STPG4: variants seen among roughly 807,000 people sequenced by gnomAD.
STPG4 encodes protein STPG4.
STPG4 carries 41 observed loss-of-function variants against 31.5 expected under a neutral mutation model. The observed-to-expected ratio is 1.30, with a 90% CI of 1.01 to 1.69. The LOEUF is 1.69. Ranked by LOEUF, STPG4 falls within the 40% of genes most tolerant of loss-of-function variation. The pLI, the probability that STPG4 is intolerant of heterozygous loss-of-function variation, is 0.00. For synonymous variants in STPG4, 141 were observed against 103.0 expected (o/e 1.37, Z -2.24); for missense variants, 375 against 293.4 (o/e 1.28, Z -2.03).
At chr2:47,115,540 G>T (rs1461280734) in intron 5 of STPG4, among the ~76,000 whole-genome samples, 3 of 152,000 alleles carry the variant, frequency 2.0e-5, no homozygotes, top group Admixed American at 6.6e-5. Flanking sequence ...ATCTTTCTGA[G>T]GATGCTAATT....
chr2:47,124,705 T>C (rs1262955447), intron 5 of STPG4, among the ~76,000 whole-genome samples: 1 of 152,254 alleles, frequency 6.6e-6, no homozygotes, highest in Admixed American at 6.5e-5. Flanking sequence ...TTCCAAATCT[T>C]GGTTATTGTG....
At chr2:47,130,335 C>T in intron 3 of STPG4, 75 bp from the exon 4 acceptor site, 1 of 1,195,812 alleles carries the variant, frequency 8.4e-7, no homozygotes, top group Non-Finnish European at 1.2e-6. Context: ...CATTCGTAAT[C>T]TTTTATTTTA....
At chr2:47,100,971 C>G (rs1178034787) in intron 5 of STPG4, among the ~76,000 whole-genome samples, 1 of 151,904 alleles carries the variant, frequency 6.6e-6, no homozygotes, top group Non-Finnish European at 1.5e-5. Context: ...CCCACCAATT[C>G]TGGACACATT....
intron 5 of STPG4, among the ~76,000 whole-genome samples, chr2:47,098,637 A>T (rs1406689815): frequency 1.3e-5 from 2 of 152,180 alleles, no homozygotes; most frequent in African/African-American, 4.8e-5. Context: ...ATGACCCCAA[A>T]TATCTATATA....
At chr2:47,135,139 ACTTGT>A (rs1487471435) in intron 3 of STPG4, among the ~76,000 whole-genome samples, 1 of 152,066 alleles carries the variant, frequency 6.6e-6, no homozygotes, top group Non-Finnish European at 1.5e-5. Context: ...TCAGTTAGTC[ACTTGT>A]CTTTTCATTC....
chr2:47,101,284 A>G (rs1324660388), intron 5 of STPG4, among the ~76,000 whole-genome samples: 4 of 151,728 alleles, frequency 2.6e-5, no homozygotes, highest in Admixed American at 2.6e-4. Flanking sequence ...GTTTGCCTAG[A>G]ACCAGCTTCT....
chr2:47,151,317 T>C lies in STPG4; in HGVS notation c.340A>G (p.Thr114Ala). The C allele has an allele frequency of 6.2e-7, 1 of 1,614,212 alleles. No homozygotes were observed. The highest frequency in any genetic ancestry group is 8.5e-7 in the Non-Finnish European group (1 of 1,180,032). ...FLDLLKKQVA[T>A]YSFKDKPRPS... Reference sequence around the variant, plus strand: ...CGTGGTTTGTCTTTGAATGAGTAAGTAGCCACTTGCTTCTTTAACAGGTCC... The same window carrying C: ...CGTGGTTTGTCTTTGAATGAGTAAGCAGCCACTTGCTTCTTTAACAGGTCC... The change falls in exon 3 of 7, where the codon ACT (threonine) becomes GCT (alanine). Residue 114 changes from threonine to alanine, a missense_variant. Thr to Ala is a moderately conservative substitution (Grantham distance 58). Transcript: ENST00000445927.
chr2:47,140,810 G>T (rs1003557268), intron 3 of STPG4, among the ~76,000 whole-genome samples: 4 of 152,070 alleles, frequency 2.6e-5, no homozygotes, highest in Admixed American at 6.6e-5. Flanking sequence ...TTTCTAATAG[G>T]ATTTCTACAC....
chr2:47,111,931 A>G (rs72808571), intron 5 of STPG4, among the ~76,000 whole-genome samples: 13,811 of 152,274 alleles, frequency 0.091, 847 homozygotes, highest in Non-Finnish European at 0.12. Context: ...GGGGGACAAA[A>G]TATAATTCAC....
chr2:47,098,757 G>GAAAA (rs5830939), intron 5 of STPG4, among the ~76,000 whole-genome samples: 1 of 139,838 alleles, frequency 7.2e-6, no homozygotes, highest in Admixed American at 7.1e-5. Flanking sequence ...CTCAAAAGAG[G>GAAAA]AAAAAAAAAA....
intron 5 of STPG4, among the ~76,000 whole-genome samples, chr2:47,108,959 T>C (rs1210548959): frequency 6.6e-6 from 1 of 152,232 alleles, no homozygotes; most frequent in Non-Finnish European, 1.5e-5. Context: ...AGGAGAGAGA[T>C]GAAGATAAAA....
intron 5 of STPG4, among the ~76,000 whole-genome samples, chr2:47,117,952 G>C (rs1227191706): frequency 1.3e-5 from 2 of 150,602 alleles, no homozygotes; most frequent in Non-Finnish European, 2.9e-5. Context: ...ATAGAGATGA[G>C]GTCTTGCTCT....
chr2:47,148,173 C>T (rs1341297852), intron 3 of STPG4, among the ~76,000 whole-genome samples: 1 of 152,100 alleles, frequency 6.6e-6, no homozygotes, highest in African/African-American at 2.4e-5. Flanking sequence ...TCTCGAACTC[C>T]TGGCCTCAAG....
chr2:47,101,141 A>G (rs1685791384), intron 5 of STPG4, among the ~76,000 whole-genome samples: 8 of 151,792 alleles, frequency 5.3e-5, no homozygotes. Flanking sequence ...CTTAGAATTC[A>G]GGGGCTAAAT....
At chr2:47,103,789 G>A (rs545618217) in intron 5 of STPG4, among the ~76,000 whole-genome samples, 59 of 152,084 alleles carry the variant, frequency 3.9e-4, no homozygotes, top group African/African-American at 1.3e-3. Context: ...CCCGGGGCAA[G>A]TGCCAGCTCA....
At chr2:47,131,030 T>C (rs1048040946) in intron 3 of STPG4, among the ~76,000 whole-genome samples, 6 of 151,936 alleles carry the variant, frequency 3.9e-5, no homozygotes, top group Admixed American at 1.3e-4. Context: ...CCCGGGCTGG[T>C]CTTGAACTCC....
At chr2:47,124,077 G>A (rs1444599384) in intron 5 of STPG4, among the ~76,000 whole-genome samples, 4 of 152,030 alleles carry the variant, frequency 2.6e-5, no homozygotes, top group African/African-American at 9.7e-5. Context: ...CTGCCTCCCA[G>A]GTTCTAGCAA....
At chr2:47,141,452 T>C (rs192015067) in intron 3 of STPG4, among the ~76,000 whole-genome samples, 47 of 152,240 alleles carry the variant, frequency 3.1e-4, no homozygotes, top group Non-Finnish European at 5.3e-4. Flanking sequence ...AGATAAATTC[T>C]CTGTATCCAG....
chr2:47,110,883 TC>T (rs1447015457), intron 5 of STPG4, among the ~76,000 whole-genome samples: 1 of 152,220 alleles, frequency 6.6e-6, no homozygotes. Context: ...TACATAATAT[TC>T]TTTTAAAATG....
Sources: gnomAD v4.1 joint callset for allele counts (sites outside exome capture counted in the v4.1 genomes callset) on GRCh38, gnomAD v4.1.1 for gene constraint, MANE v1.5 for transcripts, NCBI Gene and HGNC (gene_info 2026-07-23, HGNC 2026-07-21) for gene names.